The following CLRN1 variants were observed in gnomAD, a reference collection of about 807,000 sequenced individuals.
CLRN1 encodes the protein clarin-1.
In CLRN1, 15 loss-of-function variants were observed where a neutral mutation model predicts 18.7. The observed-to-expected ratio is 0.80, with a 90% CI of 0.54 to 1.23. The LOEUF (loss-of-function observed/expected upper bound fraction) is 1.23, where lower values mean the gene tolerates loss of function less well. Ranked by LOEUF, CLRN1 falls within the 50% of genes most tolerant of loss-of-function variation. The pLI, the probability that CLRN1 is intolerant of heterozygous loss-of-function variation, is 0.00. For synonymous variants in CLRN1, 104 were observed against 102.9 expected (o/e 1.01, Z -0.07); for missense variants, 311 against 277.5 (o/e 1.12, Z -0.86).
intron 1 of CLRN1, chr3:150,942,618 G>A (rs1274847106): frequency 2.0e-5 from 9 of 455,188 alleles, no homozygotes; most frequent in African/African-American, 6.0e-5. Context: ...CAAGATTCCT[G>A]TTGTCTCACA....
chr3:150,965,854 G>C (rs533206744), intron 1 of CLRN1, among the ~76,000 whole-genome samples: 1 of 152,356 alleles, frequency 6.6e-6, no homozygotes, highest in Admixed American at 6.5e-5. Context: ...TGTTGATTCT[G>C]TACTTTTTTA....
At position 150,934,902 on chromosome 3, in the gene CLRN1, C is replaced by T. The variant is rs146075898; in HGVS notation, c.433+6680G>A. 5.9e-5 allele frequency among the ~76,000 whole-genome samples: 9 copies of T among 152,100 alleles called. No homozygotes were observed. The East Asian group carries it at 1.7e-3, about 29-fold the overall frequency. On this transcript the variant is annotated intron_variant, in intron 2 of 2. Coordinates refer to ENST00000327047, the MANE Select transcript of CLRN1 (RefSeq NM_174878.3). ...TTTTCACCCCCTTTTCCCTATTCTG[C>T]CTTCTCCTGCCCGCACCTCTATTAC...
intron 2 of CLRN1, among the ~76,000 whole-genome samples, chr3:150,941,172 C>CTA (rs1258186235): frequency 4.9e-4 from 56 of 113,856 alleles, no homozygotes; most frequent in Admixed American, 4.8e-3. Flanking sequence ...ATCTATCTAT[C>CTA]TCTTTCATAT....
intron 1 of CLRN1, among the ~76,000 whole-genome samples, chr3:150,948,149 C>T (rs1714275309): frequency 6.6e-6 from 1 of 152,082 alleles, no homozygotes; most frequent in Admixed American, 6.5e-5. Context: ...AGGCCACTAG[C>T]TAGCCTAATA....
intron 1 of CLRN1, among the ~76,000 whole-genome samples, chr3:150,958,379 T>G (rs1714857190): frequency 6.6e-6 from 1 of 152,218 alleles, no homozygotes. Flanking sequence ...TCCCCACTTC[T>G]CTTTTGATTT....
chr3:150,968,865 C>A (rs1318493509), intron 1 of CLRN1, among the ~76,000 whole-genome samples: 1 of 152,128 alleles, frequency 6.6e-6, no homozygotes, highest in Non-Finnish European at 1.5e-5. Flanking sequence ...CTCCTCCAGA[C>A]ACTGCATATA....
chr3:150,967,750 G>A (rs1715334937), intron 1 of CLRN1, among the ~76,000 whole-genome samples: 1 of 152,214 alleles, frequency 6.6e-6, no homozygotes, highest in Admixed American at 6.5e-5. Flanking sequence ...GGTCAGGTCA[G>A]CAAGAGACAA....
chr3:150,956,886 A>G, intron 1 of CLRN1, among the ~76,000 whole-genome samples: 1 of 152,066 alleles, frequency 6.6e-6, no homozygotes, highest in Non-Finnish European at 1.5e-5. Flanking sequence ...CACTTCTTTC[A>G]GTCTATGAAC....
At chr3:150,928,222 T>C in intron 2 of CLRN1, 21 bp from the exon 3 acceptor site, 1 of 1,613,398 alleles carries the variant, frequency 6.2e-7, no homozygotes, top group Non-Finnish European at 8.5e-7. Context: ...AGAAACAAGG[T>C]GTTGGGACAA....
intron 1 of CLRN1, among the ~76,000 whole-genome samples, chr3:150,962,313 G>A (rs188862675): frequency 1.6e-3 from 244 of 152,200 alleles, no homozygotes; most frequent in Admixed American, 0.012. Flanking sequence ...AGTGTATCTC[G>A]CCATAGACAA....
chr3:150,928,074 G>A lies in CLRN1; in HGVS notation c.561C>T (p.Thr187=), dbSNP rs773400391. 6.8e-6 allele frequency: 11 copies of A among 1,613,926 alleles called. No homozygotes were observed. Among genetic ancestry groups the A allele is most frequent in the South Asian group, 4.4e-5 (4 of 91,036 alleles). The change falls in exon 3 of 3, where the codon ACC becomes ACT. Residue 187 remains threonine (T), a synonymous_variant. Transcript: ENST00000327047. ...VYKTQSEKYT[T]SFWVIFFCFF... ...AGCAAAAGAAAATGACCCAGAATGA[G>A]GTGGTATATTTTTCACTTTGCGTTT...
chr3:150,947,529 G>C (rs1039473522), intron 1 of CLRN1, among the ~76,000 whole-genome samples: 13 of 152,174 alleles, frequency 8.5e-5, no homozygotes, highest in African/African-American at 3.1e-4. Flanking sequence ...TTCAGGATCT[G>C]AACTCAACAT....
intron 2 of CLRN1, among the ~76,000 whole-genome samples, chr3:150,938,391 C>A (rs1381764376): frequency 2.0e-5 from 3 of 152,104 alleles, no homozygotes; most frequent in Non-Finnish European, 4.4e-5. Flanking sequence ...TACCCTTACA[C>A]AATTGGGTCT....
intron 2 of CLRN1, chr3:150,940,443 T>C (rs907529640): frequency 3.3e-6 from 5 of 1,525,678 alleles, no homozygotes; most frequent in Non-Finnish European, 2.6e-6. Context: ...GGTTGAATTG[T>C]ATGAGAGAAG....
chr3:150,932,374 A>G (rs1713204134), intron 2 of CLRN1, among the ~76,000 whole-genome samples: 1 of 152,148 alleles, frequency 6.6e-6, no homozygotes, highest in Admixed American at 6.5e-5. Flanking sequence ...CAGAGGTCCT[A>G]TGGGTTTGGC....
intron 2 of CLRN1, among the ~76,000 whole-genome samples, chr3:150,933,215 A>G (rs1713255059): frequency 6.6e-6 from 1 of 152,220 alleles, no homozygotes; most frequent in Admixed American, 6.5e-5. Context: ...CTGGGGGTAC[A>G]GCACTAAATG....
chr3:150,969,311 A>ATTTTT (rs1715416631), intron 1 of CLRN1, among the ~76,000 whole-genome samples: 7 of 59,864 alleles, frequency 1.2e-4, no homozygotes, highest in African/African-American at 2.2e-4. Context: ...ATATATATAT[A>ATTTTT]TATTTTTTTT....
chr3:150,945,282 C>G (rs1559984577), intron 1 of CLRN1, among the ~76,000 whole-genome samples: 1 of 152,182 alleles, frequency 6.6e-6, no homozygotes, highest in Non-Finnish European at 1.5e-5. Flanking sequence ...AAAACCCAAC[C>G]AAGAAGACTG....
chr3:150,942,103 TA>T (rs1371596075), intron 1 of CLRN1, among the ~76,000 whole-genome samples: 2 of 152,138 alleles, frequency 1.3e-5, no homozygotes, highest in South Asian at 2.1e-4. Context: ...GGTAGTCATT[TA>T]AAAAAATTTA....
Sources: gnomAD v4.1 joint callset for allele counts (sites outside exome capture counted in the v4.1 genomes callset) on GRCh38, gnomAD v4.1.1 for gene constraint, MANE v1.5 for transcripts, NCBI Gene and HGNC (gene_info 2026-07-23, HGNC 2026-07-21) for gene names.